FXR1: variants seen among roughly 807,000 people sequenced by gnomAD.
FXR1 encodes RNA-binding protein FXR1.
A neutral mutation model predicts 84.0 loss-of-function variants in FXR1; 15 were observed. The ratio of observed to expected loss-of-function variants is 0.18; its 90% CI spans 0.12 to 0.27. The LOEUF (loss-of-function observed/expected upper bound fraction) is 0.27, where lower values mean the gene tolerates loss of function less well. Ranked by LOEUF, FXR1 falls within the 10% of genes least tolerant of loss-of-function variation. FXR1 has a pLI of 1.00. For missense variants in FXR1, 480 were observed against 774.4 expected (o/e 0.62, Z 4.51); for synonymous variants, 245 against 250.7 (o/e 0.98, Z 0.21).
intron 10 of FXR1, among the ~76,000 whole-genome samples, chr3:180,961,042 A>G (rs573479463): frequency 1.3e-5 from 2 of 152,120 alleles, no homozygotes; most frequent in East Asian, 3.9e-4. Context: ...TCCTAATTAT[A>G]TATTGGGGCT....
At chr3:180,943,891 A>G (rs1054763018) in intron 3 of FXR1, among the ~76,000 whole-genome samples, 17 of 152,082 alleles carry the variant, frequency 1.1e-4, no homozygotes, top group African/African-American at 3.9e-4. Flanking sequence ...AGTTACTCGA[A>G]TGGGCACCTT....
chr3:180,943,224 C>T (rs1255909918), intron 3 of FXR1, among the ~76,000 whole-genome samples: 1 of 146,412 alleles, frequency 6.8e-6, no homozygotes, highest in East Asian at 2.1e-4. Flanking sequence ...GCCTTGGCAT[C>T]CCGAAGTGCT....
intron 1 of FXR1, among the ~76,000 whole-genome samples, chr3:180,920,721 G>A (rs1231249623): frequency 6.6e-6 from 1 of 152,074 alleles, no homozygotes; most frequent in African/African-American, 2.4e-5. Context: ...GTGTTGACTA[G>A]GCTGACCTTG....
At chr3:180,946,095 G>A (rs1576950737) in intron 3 of FXR1, among the ~76,000 whole-genome samples, 1 of 152,108 alleles carries the variant, frequency 6.6e-6, no homozygotes, top group African/African-American at 2.4e-5. Context: ...GCAATTATGA[G>A]TGAAAAAAAT....
chr3:180,923,695 G>C (rs1718838832), intron 1 of FXR1, among the ~76,000 whole-genome samples: 1 of 152,140 alleles, frequency 6.6e-6, no homozygotes, highest in Admixed American at 6.5e-5. Flanking sequence ...TTGAGTGTCA[G>C]GGAGTACCCC....
chr3:180,955,010 A>G (rs192411054), intron 9 of FXR1, among the ~76,000 whole-genome samples: 68 of 131,338 alleles, frequency 5.2e-4, no homozygotes, highest in African/African-American at 1.6e-3. Flanking sequence ...TTTTTTGGAG[A>G]TGGAGTCTTG....
At chr3:180,959,592 C>G (rs1407900799) in intron 10 of FXR1, among the ~76,000 whole-genome samples, 1 of 151,914 alleles carries the variant, frequency 6.6e-6, no homozygotes, top group Non-Finnish European at 1.5e-5. Context: ...ATGAATAATC[C>G]AGACCTGAAA....
chr3:180,958,601 T>C (rs1209512711), intron 10 of FXR1, among the ~76,000 whole-genome samples: 2 of 152,134 alleles, frequency 1.3e-5, no homozygotes, highest in Non-Finnish European at 2.9e-5. Context: ...CCATGGTATA[T>C]ATATACCACA....
At position 180,980,577 on chromosome 3, in the gene FXR1, G is replaced by T. The variant is rs925170712; in HGVS notation, c.*4285G>T. 3 of 151,778 alleles carry T rather than the reference G, an allele frequency of 2.0e-5. No homozygotes were observed. The highest frequency in any genetic ancestry group is 4.4e-5 in the Non-Finnish European group (3 of 67,874). 9.4% of individuals were successfully genotyped at this position (151,778 alleles called of 1,614,324 possible). ...TTCAACCTCTAGGCTTCCTTTTTCA[G>T]CTAACTTGGCTGTCTTCAGGTTGTA... is the stretch of plus-strand genomic sequence containing the variant. On this transcript the variant is annotated 3_prime_UTR_variant, in exon 17 of 17. Transcript: ENST00000357559.
chr3:180,918,596 A>G (rs1017909358), intron 1 of FXR1, among the ~76,000 whole-genome samples: 2 of 152,218 alleles, frequency 1.3e-5, no homozygotes, highest in Admixed American at 6.5e-5. Flanking sequence ...GAAGAGCAAT[A>G]TGCATTCATT....
intron 1 of FXR1, among the ~76,000 whole-genome samples, chr3:180,917,024 C>T (rs1301232965): frequency 1.3e-5 from 2 of 151,986 alleles, no homozygotes; most frequent in South Asian, 2.1e-4. Context: ...TTAGTAGAGA[C>T]GGAGTTTCAC....
At chr3:180,944,345 G>A (rs538602020) in intron 3 of FXR1, among the ~76,000 whole-genome samples, 5 of 151,274 alleles carry the variant, frequency 3.3e-5, no homozygotes, top group African/African-American at 1.2e-4. Context: ...TTTTGAGACA[G>A]GGTCTCGCTC....
At chr3:180,960,242 A>G (rs1711926796) in intron 10 of FXR1, among the ~76,000 whole-genome samples, 1 of 152,204 alleles carries the variant, frequency 6.6e-6, no homozygotes, top group Admixed American at 6.5e-5. Context: ...TATCTTAATA[A>G]TTCCTTTAAT....
intron 1 of FXR1, among the ~76,000 whole-genome samples, chr3:180,923,530 G>A (rs1429268484): frequency 6.6e-6 from 1 of 151,518 alleles, no homozygotes; most frequent in Admixed American, 6.6e-5. Context: ...TCCTTGCCCT[G>A]ATAAGGAGCC....
chr3:180,954,590 G>A (rs975720972), intron 9 of FXR1, among the ~76,000 whole-genome samples: 1 of 152,148 alleles, frequency 6.6e-6, no homozygotes, highest in African/African-American at 2.4e-5. Context: ...TGTTAAGTAT[G>A]CAGTGACTAT....
In FXR1 at chr3:180,954,696, G is replaced by T. The variant is rs7616088; in HGVS notation, c.880+856G>T. Among the ~76,000 whole-genome samples, 1,299 of 152,038 alleles carry T rather than the reference G, an allele frequency of 8.5e-3. 24 individuals are homozygous for T. Among genetic ancestry groups the T allele is most frequent in the African/African-American group, 0.03 (1,238 of 41,486 alleles). Reference sequence around the variant, plus strand: ...GGAGGGGGACGAGTTTTTGTTCCCTGTTATCTCTCATTATTTTTTTTTGAC... The same window carrying T: ...GGAGGGGGACGAGTTTTTGTTCCCTTTTATCTCTCATTATTTTTTTTTGAC... On this transcript the variant is annotated intron_variant, in intron 9 of 16. Coordinates refer to ENST00000357559, the MANE Select transcript of FXR1 (RefSeq NM_005087.4).
chr3:180,915,603 GT>G (rs756396894), intron 1 of FXR1: 34 of 846,424 alleles, frequency 4.0e-5, no homozygotes, highest in East Asian at 1.3e-4. Context: ...TATTTCTTTG[GT>G]TTTTTTTGGT....
chr3:180,927,102 C>G (rs1719321991), intron 1 of FXR1, among the ~76,000 whole-genome samples: 1 of 152,020 alleles, frequency 6.6e-6, no homozygotes, highest in Non-Finnish European at 1.5e-5. Flanking sequence ...GGAACCTTGC[C>G]TTAAATATCT....
chr3:180,959,561 G>T (rs781019257), intron 10 of FXR1, among the ~76,000 whole-genome samples: 5 of 151,988 alleles, frequency 3.3e-5, no homozygotes, highest in Non-Finnish European at 5.9e-5. Context: ...TTTTAAATGA[G>T]TATTAAATCA....
Sources: gnomAD v4.1 joint callset for allele counts (sites outside exome capture counted in the v4.1 genomes callset) on GRCh38, gnomAD v4.1.1 for gene constraint, MANE v1.5 for transcripts, NCBI Gene and HGNC (gene_info 2026-07-23, HGNC 2026-07-21) for gene names.